Variants in SNAP91 observed in about 807,000 individuals in gnomAD.
SNAP91 encodes the protein synaptosome associated protein 91.
SNAP91 carries 27 observed loss-of-function variants against 100.3 expected under a neutral mutation model. The observed-to-expected ratio is 0.27, with a 90% CI of 0.20 to 0.37. SNAP91 has a LOEUF of 0.37. Ranked by LOEUF, SNAP91 falls within the 10% of genes least tolerant of loss-of-function variation. The pLI is 1.00. For missense variants in SNAP91, 986 were observed against 1,123.7 expected (o/e 0.88, Z 1.75); for synonymous variants, 404 against 398.6 (o/e 1.01, Z -0.16).
intron 26 of SNAP91, among the ~76,000 whole-genome samples, chr6:83,574,485 T>C (rs1249127006): frequency 1.3e-5 from 2 of 152,058 alleles, no homozygotes; most frequent in Admixed American, 6.6e-5. Flanking sequence ...GCAAAAGTAA[T>C]AGGATTTTAA....
rs138678065 is a variant in SNAP91, at chr6:83,635,026, T to G, written c.765+6070A>C. ...AATATACTTGTTATGATTTGATTTT[T>G]TTGATTTATTGAGATTTGCTTTATG... is the stretch of plus-strand genomic sequence containing the variant. On this transcript the variant is annotated intron_variant, in intron 8 of 29. Transcript: ENST00000369694. Among the ~76,000 whole-genome samples, 1,039 of 152,336 alleles carry G rather than the reference T, an allele frequency of 6.8e-3. 4 individuals carry two copies. Among genetic ancestry groups the G allele is most frequent in the South Asian group, 0.014 (68 of 4,822 alleles).
Position 83,629,456 on chromosome 6 carries a change from G to T in SNAP91, c.766-6114C>A, listed in dbSNP as rs151154902. 5.0e-3 allele frequency among the ~76,000 whole-genome samples: 760 copies of T among 150,564 alleles called. 10 individuals are homozygous for T. Among genetic ancestry groups the T allele is most frequent in the African/African-American group, 0.018 (721 of 40,940 alleles). ...TGTGTAGATTGCTTTTGGCAGTATG[G>T]TCATTTTCTCAATACGGATTCTACC... On this transcript the variant is annotated intron_variant, in intron 8 of 29. Coordinates refer to ENST00000369694, the MANE Select transcript of SNAP91 (RefSeq NM_001242792.2).
At chr6:83,681,506 T>C (rs1425567446) in intron 2 of SNAP91, among the ~76,000 whole-genome samples, 3 of 151,952 alleles carry the variant, frequency 2.0e-5, no homozygotes, top group Non-Finnish European at 4.4e-5. Context: ...CAATGGTACA[T>C]ATACAAAAAT....
At chr6:83,642,164 A>ATT (rs5877858) in intron 7 of SNAP91, among the ~76,000 whole-genome samples, 1 of 151,390 alleles carries the variant, frequency 6.6e-6, no homozygotes, top group African/African-American at 2.4e-5. Flanking sequence ...AAAATATGCT[A>ATT]TTTTTTCAGT....
chr6:83,668,383 A>G (rs1307011235), intron 2 of SNAP91, among the ~76,000 whole-genome samples: 1 of 152,202 alleles, frequency 6.6e-6, no homozygotes, highest in Non-Finnish European at 1.5e-5. Context: ...ATGCATACGT[A>G]TGTTTATTGC....
chr6:83,683,839 G>A (rs2099024868), intron 2 of SNAP91, among the ~76,000 whole-genome samples: 1 of 152,078 alleles, frequency 6.6e-6, no homozygotes, highest in African/African-American at 2.4e-5. Flanking sequence ...CATCCACAAA[G>A]GCCCCTTGGC....
chr6:83,611,097 C>A lies in SNAP91; in HGVS notation c.885-420G>T, dbSNP rs575425704. Among the ~76,000 whole-genome samples the A allele has an allele frequency of 1.8e-4, 28 of 152,172 alleles. 1 individual carries two copies. The highest frequency in any genetic ancestry group is 6.7e-4 in the African/African-American group (28 of 41,522). ...TTTGCAGAATTATGACAAACCCCAA[C>A]ACCCAGTGGTTTAAATCACTTAGGT... On this transcript the variant is annotated intron_variant, in intron 11 of 29. Coordinates refer to ENST00000369694, the MANE Select transcript of SNAP91 (RefSeq NM_001242792.2).
intron 13 of SNAP91, among the ~76,000 whole-genome samples, 168 bp downstream of exon 13, chr6:83,607,531 A>G (rs1044281065): frequency 1.3e-5 from 2 of 152,148 alleles, no homozygotes; most frequent in Admixed American, 6.5e-5. Context: ...GGTCTTTCTA[A>G]TGATTTAAGA....
At position 83,560,945 on chromosome 6, in the gene SNAP91, T is replaced by C; in HGVS notation, c.2445A>G (p.Gln815=). Reference sequence around the variant, plus strand: ...CTGAACTGGTTGGAGGTACAGCTCCTTGCTACACAGATAGACAGACATACA... The same window carrying C: ...CTGAACTGGTTGGAGGTACAGCTCCCTGCTACACAGATAGACAGACATACA... The part of the protein sequence containing the change: ...SAGVPPSAPL[Q]GAVPPTSSVP... Residue 815 remains glutamine (Q), a splice_region_variant and synonymous_variant, in exon 27 of 30, where the codon CAA becomes CAG. Transcript: ENST00000369694. 3 of 1,602,366 alleles carry C rather than the reference T, an allele frequency of 1.9e-6. No individual in the cohort carries two copies. Among genetic ancestry groups the C allele is most frequent in the Non-Finnish European group, 8.5e-7 (1 of 1,176,302 alleles).
chr6:83,653,942 A>G (rs546653195), intron 7 of SNAP91, among the ~76,000 whole-genome samples: 20 of 152,192 alleles, frequency 1.3e-4, no homozygotes, highest in African/African-American at 4.3e-4. Flanking sequence ...ACATCAGGTA[A>G]AGCTCTGGTT....
chr6:83,696,736 T>A (rs1314902972), intron 2 of SNAP91, among the ~76,000 whole-genome samples: 1 of 152,154 alleles, frequency 6.6e-6, no homozygotes, highest in African/African-American at 2.4e-5. Context: ...GTCTTCACCT[T>A]CCTTATTAAA....
At chr6:83,669,787 A>G (rs1218350579) in intron 2 of SNAP91, among the ~76,000 whole-genome samples, 2 of 151,982 alleles carry the variant, frequency 1.3e-5, no homozygotes, top group Non-Finnish European at 2.9e-5. Context: ...TTAGCTAATT[A>G]CTTTGAGATT....
At chr6:83,678,385 T>A (rs140142666) in intron 2 of SNAP91, among the ~76,000 whole-genome samples, 142 of 152,162 alleles carry the variant, frequency 9.3e-4, no homozygotes, top group African/African-American at 3.2e-3. Flanking sequence ...ATTTTATCCT[T>A]ATTTAACTCC....
intron 2 of SNAP91, among the ~76,000 whole-genome samples, chr6:83,695,629 T>A (rs1030288528): frequency 6.6e-5 from 10 of 152,214 alleles, no homozygotes; most frequent in Non-Finnish European, 1.5e-4. Flanking sequence ...CAACCCACCC[T>A]CCCAAATATT....
chr6:83,650,334 T>C (rs1022992549), intron 7 of SNAP91, among the ~76,000 whole-genome samples: 8 of 152,224 alleles, frequency 5.3e-5, no homozygotes, highest in Admixed American at 2.0e-4. Flanking sequence ...GCTAGGAGAC[T>C]GAATGAATGG....
At position 83,608,779 on chromosome 6, in the gene SNAP91, T is replaced by A. The variant is rs2095809711; in HGVS notation, c.913-971A>T. Among the ~76,000 whole-genome samples the A allele has an allele frequency of 2.0e-5, 3 of 151,998 alleles. No homozygotes were observed. In the South Asian group the frequency reaches 6.2e-4, roughly 31 times the overall value. On this transcript the variant is annotated intron_variant, in intron 12 of 29. Coordinates refer to ENST00000369694, the MANE Select transcript of SNAP91 (RefSeq NM_001242792.2). ...TTATGTTTGTCCAAGAATATACTAA[T>A]CCAAAAGTCAAAATTCAATAGTTAT...
intron 3 of SNAP91, 112 bp from the exon 4 acceptor site, chr6:83,662,534 C>G: frequency 2.4e-6 from 1 of 415,192 alleles, no homozygotes; most frequent in South Asian, 6.7e-5. Context: ...ATCTCTTTTA[C>G]TCAGTTATAA....
chr6:83,684,370 A>C (rs1245235447), intron 2 of SNAP91, among the ~76,000 whole-genome samples: 1 of 152,056 alleles, frequency 6.6e-6, no homozygotes, highest in Non-Finnish European at 1.5e-5. Context: ...ACAACACACA[A>C]CCTGCTTGCA....
intron 12 of SNAP91, 44 bp from the exon 13 acceptor site, chr6:83,607,852 T>A: frequency 8.1e-7 from 1 of 1,242,024 alleles, no homozygotes. Context: ...AATATGAATC[T>A]ACAGGACACA....
Sources: allele counts gnomAD v4.1 joint callset (sites outside exome capture counted in the v4.1 genomes callset), GRCh38; gene constraint gnomAD v4.1.1; transcripts MANE v1.5; gene names NCBI Gene and HGNC (gene_info 2026-07-23, HGNC 2026-07-21).